Variants in MRC1 observed in about 807,000 individuals in gnomAD.
The protein encoded by MRC1 is macrophage mannose receptor 1.
In MRC1, 62 loss-of-function variants were observed where a neutral mutation model predicts 102.9. The ratio of observed to expected loss-of-function variants is 0.60; its 90% CI spans 0.49 to 0.74. The LOEUF is 0.74. Ranked by LOEUF, MRC1 falls within the 30% of genes least tolerant of loss-of-function variation. The probability of loss-of-function intolerance (pLI) is 0.00; values close to 1 mark genes in which losing one functional copy is unlikely to be tolerated. For missense variants in MRC1, 1,237 were observed against 862.8 expected, an observed-to-expected ratio of 1.43 and a Z score of -5.43; for synonymous variants, 457 against 298.4, an observed-to-expected ratio of 1.53 and a Z score of -5.48.
At chr10:17,893,207 G>A (rs1833706061) in intron 22 of MRC1, among the ~76,000 whole-genome samples, 2 of 148,654 alleles carry the variant, frequency 1.3e-5, no homozygotes, top group African/African-American at 5.0e-5. Context: ...CTTGGCTGGA[G>A]TGCAGTGGTA....
intron 16 of MRC1, 41 bp downstream of exon 16, chr10:17,873,866 C>G: frequency 1.2e-6 from 1 of 868,620 alleles, no homozygotes. Context: ...ACTGATAACC[C>G]TTTCTCCGCC....
intron 16 of MRC1, among the ~76,000 whole-genome samples, chr10:17,874,385 C>A (rs1326538297): frequency 2.6e-5 from 4 of 152,144 alleles, no homozygotes; most frequent in African/African-American, 9.7e-5. Flanking sequence ...CTCTTGTAGT[C>A]AAATCTCCCT....
At chr10:17,845,041 T>C (rs1554840112) in intron 5 of MRC1, 3 of 744,552 alleles carry the variant, frequency 4.0e-6, no homozygotes, top group Non-Finnish European at 5.0e-6. Flanking sequence ...GGGAAAGGGT[T>C]GTTTCAAAGA....
chr10:17,895,426 A>C (rs1432349063), intron 23 of MRC1, among the ~76,000 whole-genome samples: 1 of 151,970 alleles, frequency 6.6e-6, no homozygotes, highest in East Asian at 1.9e-4. Flanking sequence ...TTCTATTAGA[A>C]ATTTGGGATA....
At chr10:17,837,605 A>G (rs1343160329) in intron 4 of MRC1, among the ~76,000 whole-genome samples, 1 of 151,222 alleles carries the variant, frequency 6.6e-6, no homozygotes, top group East Asian at 1.9e-4. Flanking sequence ...GTATCTTTTT[A>G]TTTTATTTTA....
chr10:17,868,224 G>A (rs1833305324), intron 12 of MRC1, among the ~76,000 whole-genome samples: 1 of 152,136 alleles, frequency 6.6e-6, no homozygotes, highest in Non-Finnish European at 1.5e-5. Flanking sequence ...CTGCTATAAA[G>A]TTACTACCCA....
intron 24 of MRC1, among the ~76,000 whole-genome samples, chr10:17,899,142 G>A (rs1554843560): frequency 1.3e-5 from 2 of 151,834 alleles, no homozygotes; most frequent in Admixed American, 6.6e-5. Flanking sequence ...GAGAGTAGAT[G>A]AGTGTCAGAT....
intron 5 of MRC1, among the ~76,000 whole-genome samples, chr10:17,841,657 A>T (rs1589172762): frequency 6.6e-6 from 1 of 152,296 alleles, no homozygotes; most frequent in African/African-American, 2.4e-5. Flanking sequence ...CTTATTCACC[A>T]GTACCAACTG....
At chr10:17,874,756 G>A (rs1833404226) in intron 16 of MRC1, among the ~76,000 whole-genome samples, 1 of 151,620 alleles carries the variant, frequency 6.6e-6, no homozygotes, top group Non-Finnish European at 1.5e-5. Context: ...CTCCTTTGAT[G>A]TAGAAGATTA....
intron 14 of MRC1, 60 bp downstream of exon 14, chr10:17,870,995 GTC>G (rs1243762496): frequency 1.2e-6 from 1 of 839,208 alleles, no homozygotes; most frequent in Non-Finnish European, 2.1e-6. Flanking sequence ...TTTTGATGTT[GTC>G]TTTTTTTTTA....
chr10:17,878,211 A>G (rs1833463394), intron 18 of MRC1, among the ~76,000 whole-genome samples: 1 of 152,232 alleles, frequency 6.6e-6, no homozygotes, highest in Non-Finnish European at 1.5e-5. Context: ...CTTTGTTTTC[A>G]GATGTCATCA....
chr10:17,851,899 T>G (rs1838923121), intron 7 of MRC1, among the ~76,000 whole-genome samples: 1 of 152,196 alleles, frequency 6.6e-6, no homozygotes, highest in Non-Finnish European at 1.5e-5. Flanking sequence ...ACTAAACCGC[T>G]TAGGGAGAAT....
intron 12 of MRC1, among the ~76,000 whole-genome samples, chr10:17,868,381 GT>G (rs1833308163): frequency 0.038 from 5,772 of 152,224 alleles, 379 homozygotes; most frequent in African/African-American, 0.13. Flanking sequence ...ATTTGAGAGT[GT>G]AGGAGAAGCT....
At chr10:17,827,879 A>G (rs902307583) in intron 3 of MRC1, among the ~76,000 whole-genome samples, 164 bp downstream of exon 3, 68 of 152,190 alleles carry the variant, frequency 4.5e-4, no homozygotes, top group African/African-American at 1.4e-3. Flanking sequence ...CCATTTTCCA[A>G]TGGAGAAAAT....
intron 22 of MRC1, among the ~76,000 whole-genome samples, chr10:17,887,777 G>T (rs1833620310): frequency 6.6e-6 from 1 of 152,030 alleles, no homozygotes; most frequent in African/African-American, 2.4e-5. Context: ...TCACAAAAAT[G>T]GAATCAAAAT....
chr10:17,838,528 C>A, intron 4 of MRC1, among the ~76,000 whole-genome samples: 1 of 147,982 alleles, frequency 6.8e-6, no homozygotes, highest in African/African-American at 2.5e-5. Flanking sequence ...TCCTTTGGTA[C>A]TGCCTGAAAA....
At chr10:17,830,707 T>G (rs200386184) in intron 3 of MRC1, among the ~76,000 whole-genome samples, 17,344 of 151,348 alleles carry the variant, frequency 0.11, 1,339 homozygotes, top group East Asian at 0.18. Context: ...GGAGATGGTA[T>G]GCAATCAGCA....
In MRC1 at chr10:17,900,814, T is replaced by C. The variant is rs1833818851; in HGVS notation, c.3510T>C (p.Asp1170=). The change falls in exon 25 of 30, where the codon GAT becomes GAC. Residue 1170 remains aspartate (D), a synonymous_variant. Transcript: ENST00000569591. ...CTGATAATCAATACACTTGGACTGATAAGTGGAGGGTGAGGTACACTAACT... is the reference window on the plus strand; with the variant it reads ...CTGATAATCAATACACTTGGACTGACAAGTGGAGGGTGAGGTACACTAACT... The part of the protein sequence containing the change: ...NLTDNQYTWT[D]KWRVRYTNWA... The C allele has an allele frequency of 3.8e-6, 3 of 780,794 alleles. No individual in the cohort carries two copies. Among genetic ancestry groups the C allele is most frequent in the Admixed American group, 1.7e-5 (1 of 59,024 alleles). 48.4% of individuals were successfully genotyped at this position (780,794 alleles called of 1,614,324 possible).
chr10:17,900,097 CAAA>C (rs1156472499), intron 24 of MRC1, among the ~76,000 whole-genome samples: 4 of 106,876 alleles, frequency 3.7e-5, no homozygotes, highest in Admixed American at 1.0e-4. Context: ...AGACTTCTCT[CAAA>C]AAAAAAAAAA....
Sources: allele counts gnomAD v4.1 joint callset (sites outside exome capture counted in the v4.1 genomes callset), GRCh38; gene constraint gnomAD v4.1.1; transcripts MANE v1.5; gene names NCBI Gene and HGNC (gene_info 2026-07-23, HGNC 2026-07-21).